PRIM1: variants seen among roughly 807,000 people sequenced by gnomAD.
PRIM1 encodes the protein DNA primase small subunit.
Under a neutral mutation model 60.2 loss-of-function variants are expected in PRIM1, and 38 were observed. The ratio of observed to expected loss-of-function variants is 0.63; its 90% CI spans 0.49 to 0.83. The LOEUF is 0.83. Among genes scored for constraint, PRIM1 ranks in the 40% least tolerant of loss-of-function variants. PRIM1 has a pLI of 0.00. For synonymous variants in PRIM1, 158 were observed against 160.2 expected (o/e 0.99, Z 0.10); for missense variants, 388 against 506.2 (o/e 0.77, Z 2.24).
In PRIM1 at chr12:56,736,298, TAAAAA is replaced by T. The variant is rs756452647; in HGVS notation, c.1145-2058_1145-2054del. Among the ~76,000 whole-genome samples, 5 of 24,320 alleles carry T rather than the reference TAAAAA, an allele frequency of 2.1e-4. No individual in the cohort carries two copies. In the South Asian group the frequency reaches 0.015, roughly 72 times the overall value. 16.0% of individuals were successfully genotyped at this position (24,320 alleles called of 152,430 possible). On this transcript the variant is annotated intron_variant, in intron 11 of 12. Coordinates refer to ENST00000338193, the MANE Select transcript of PRIM1 (RefSeq NM_000946.3). The stretch of plus-strand genomic sequence containing the variant: ...GGGTGACAGAGTAAGACTCTTTCTC[TAAAAA>T]AAAAAAAAAAAAAAAAAAAAAAAAG...
intron 1 of PRIM1, 53 bp downstream of exon 1, chr12:56,752,143 C>T (rs777246362): frequency 3.0e-6 from 4 of 1,331,956 alleles, no homozygotes; most frequent in Admixed American, 2.0e-5. Flanking sequence ...AAGGACACCC[C>T]GCCTCCAACC....
intron 6 of PRIM1, 94 bp from the exon 7 acceptor site, chr12:56,743,190 A>C: frequency 7.5e-7 from 1 of 1,340,910 alleles, no homozygotes; most frequent in South Asian, 1.7e-5. Context: ...ACTACTGCTT[A>C]TTTTCATGAC....
In PRIM1 at chr12:56,741,853, G is replaced by A. The variant is rs914485057; in HGVS notation, c.749-16C>T. 2.1e-5 allele frequency: 34 copies of A among 1,606,664 alleles called. No individual in the cohort carries two copies. Among genetic ancestry groups the A allele is most frequent in the Non-Finnish European group, 2.7e-5 (32 of 1,173,548 alleles). On this transcript the variant is annotated splice_polypyrimidine_tract_variant and intron_variant, in intron 7 of 12. Coordinates refer to ENST00000338193, the MANE Select transcript of PRIM1 (RefSeq NM_000946.3). ...TCATGAATTGGTGATGGGTCATTAAGGAACAGACTCATTTAGGGAACATCA... is the reference window on the plus strand; with the variant it reads ...TCATGAATTGGTGATGGGTCATTAAAGAACAGACTCATTTAGGGAACATCA...
chr12:56,738,473 CCT>C lies in PRIM1; in HGVS notation c.1103_1104del (p.Glu368GlyfsTer3), dbSNP rs1219164714. The C allele has an allele frequency of 1.9e-6, 3 of 1,587,214 alleles. No homozygotes were observed. The highest frequency in any genetic ancestry group is 2.6e-6 in the Non-Finnish European group (3 of 1,165,268). ...TTGACATCAGATTCAGCTTCATTCT[CCT>C]CTTTTTCCTCTTCATTAGTGGAAAT... is the stretch of plus-strand genomic sequence containing the variant. ...DAISTNEEEK[E>X]ENEAESDVKH... On this transcript the variant is annotated frameshift_variant, in exon 11 of 13. Coordinates refer to ENST00000338193, the MANE Select transcript of PRIM1 (RefSeq NM_000946.3). LOFTEE classifies it high-confidence loss of function.
In PRIM1 at chr12:56,752,229, A is replaced by C; in HGVS notation, c.70T>G (p.Ser24Ala). 6.2e-7 allele frequency: 1 copy of C among 1,603,406 alleles called. No homozygotes were observed. Among genetic ancestry groups the C allele is most frequent in the Non-Finnish European group, 8.5e-7 (1 of 1,174,850 alleles). Residue 24 changes from serine to alanine, a missense_variant, in exon 1 of 13, where the codon TCT (serine) becomes GCT (alanine). Ser to Ala is a moderately conservative substitution (Grantham distance 99). Coordinates refer to ENST00000338193, the MANE Select transcript of PRIM1 (RefSeq NM_000946.3). ...TAGTTGAGCCAGCGATAGTACTGAG[A>C]GTAGGGAAAGAGCCTCCGGTAATAA... is the stretch of plus-strand genomic sequence containing the variant. Reference protein sequence around the residue: ...KLYYRRLFPYSQYYRWLNYGG... With the variant: ...KLYYRRLFPYAQYYRWLNYGG...
chr12:56,747,731 C>T (rs995487613), intron 2 of PRIM1, among the ~76,000 whole-genome samples: 8 of 151,908 alleles, frequency 5.3e-5, no homozygotes, highest in East Asian at 1.9e-4. Flanking sequence ...GGTGACAGAG[C>T]GAGACTCTGT....
In PRIM1 at chr12:56,751,065, A is replaced by T; in HGVS notation, c.234T>A (p.Ile78=). Residue 78 remains isoleucine (I), a synonymous_variant, in exon 2 of 13, where the codon ATT becomes ATA. Transcript: ENST00000338193. ...TGTGAGAATATACTGCGCCTATATC[A>T]ATCTTGTATGGATTCATTTTCTGCA... The part of the protein sequence containing the change: ...KEMQKMNPYK[I]DIGAVYSHRP... 6.3e-7 allele frequency: 1 copy of T among 1,583,478 alleles called. No individual in the cohort carries two copies. Among genetic ancestry groups the T allele is most frequent in the Non-Finnish European group, 8.6e-7 (1 of 1,165,814 alleles).
chr12:56,745,732 A>G lies in PRIM1; in HGVS notation c.579+313T>C, dbSNP rs1169577325. Among the ~76,000 whole-genome samples, 5 of 152,030 alleles carry G rather than the reference A, an allele frequency of 3.3e-5. No homozygotes were observed. The South Asian group carries it at 1.0e-3, about 32-fold the overall frequency. ...GGTGGGTGAATCACCTGAGGCTAGGAGTTCTAGGCCAGCCTGGCCAACATG... is the reference window on the plus strand; with the variant it reads ...GGTGGGTGAATCACCTGAGGCTAGGGGTTCTAGGCCAGCCTGGCCAACATG... On this transcript the variant is annotated intron_variant, in intron 5 of 12. Transcript: ENST00000338193.
chr12:56,739,249 TAAC>T (rs753796363), intron 10 of PRIM1, 42 bp downstream of exon 10: 3 of 1,366,258 alleles, frequency 2.2e-6, no homozygotes, highest in East Asian at 2.5e-5. Context: ...TTAAAATTCA[TAAC>T]AACAATTACA....
chr12:56,736,796 G>A (rs1414893830), intron 11 of PRIM1, among the ~76,000 whole-genome samples: 7 of 151,784 alleles, frequency 4.6e-5, no homozygotes, highest in South Asian at 2.1e-4. Context: ...GAGCTACTGC[G>A]CCCGGCCACA....
At chr12:56,745,031 C>T (rs1953896921) in intron 5 of PRIM1, among the ~76,000 whole-genome samples, 1 of 150,904 alleles carries the variant, frequency 6.6e-6, no homozygotes, top group Non-Finnish European at 1.5e-5. Flanking sequence ...TGCTTGAACC[C>T]GGGACGCGGA....
chr12:56,738,863 G>A (rs1308893739), intron 10 of PRIM1, among the ~76,000 whole-genome samples: 1 of 152,178 alleles, frequency 6.6e-6, no homozygotes, highest in Non-Finnish European at 1.5e-5. Flanking sequence ...AACAAGAGAA[G>A]TTTAATGTTG....
rs542822242 is a variant in PRIM1, at chr12:56,735,611, C to T, written c.1145-1366G>A. On this transcript the variant is annotated intron_variant, in intron 11 of 12. Transcript: ENST00000338193. ...TCTTGTGTTGCTCAGGCTCTGGTCA[C>T]GCCCTTTTGGAGATTATTAGAAGTT... Among the ~76,000 whole-genome samples the T allele has an allele frequency of 3.3e-5, 5 of 151,662 alleles. No individual in the cohort carries two copies. The South Asian group carries it at 6.3e-4, about 19-fold the overall frequency.
At chr12:56,742,658 T>A (rs557414761) in intron 7 of PRIM1, among the ~76,000 whole-genome samples, 21 of 152,142 alleles carry the variant, frequency 1.4e-4, no homozygotes, top group Non-Finnish European at 2.8e-4. Flanking sequence ...AATACAGTGA[T>A]GATATAACAG....
At chr12:56,734,015 A>G in intron 12 of PRIM1, 132 bp downstream of exon 12, 1 of 600,856 alleles carries the variant, frequency 1.7e-6, no homozygotes, top group South Asian at 2.4e-5. Context: ...CTCAATTTCC[A>G]AAACATTAAG....
chr12:56,751,973 T>G (rs1328055575), intron 1 of PRIM1, among the ~76,000 whole-genome samples: 2 of 148,174 alleles, frequency 1.3e-5, no homozygotes, highest in East Asian at 3.9e-4. Context: ...TCTGTTTTTT[T>G]TTTTTTTTTT....
intron 9 of PRIM1, among the ~76,000 whole-genome samples, chr12:56,740,606 C>T (rs1469755733): frequency 1.3e-5 from 2 of 151,980 alleles, no homozygotes; most frequent in Non-Finnish European, 1.5e-5. Context: ...ATGGCAAAAC[C>T]CTGTCTACAA....
chr12:56,734,164 TCTC>T lies in PRIM1; in HGVS notation c.1223_1225del (p.Gly408del). 6.2e-7 allele frequency: 1 copy of T among 1,602,686 alleles called. No homozygotes were observed. Among genetic ancestry groups the T allele is most frequent in the African/African-American group, 1.3e-5 (1 of 74,742 alleles). On this transcript the variant is annotated inframe_deletion, in exon 12 of 13. Coordinates refer to ENST00000338193, the MANE Select transcript of PRIM1 (RefSeq NM_000946.3). ...CGTCTTACCACTCTTCTTAAGAAGTTCTCCTTTTCGGGATTTATCCAGATTTTC... is the reference window on the plus strand; with the variant it reads ...CGTCTTACCACTCTTCTTAAGAAGTTCTTTTCGGGATTTATCCAGATTTTC...
intron 1 of PRIM1, among the ~76,000 whole-genome samples, chr12:56,751,983 T>G (rs1418452152): frequency 6.7e-6 from 1 of 149,880 alleles, no homozygotes; most frequent in Non-Finnish European, 1.5e-5. Flanking sequence ...TTTTTTTTTT[T>G]TTTTTTTTTA....
Sources: allele counts gnomAD v4.1 joint callset (sites outside exome capture counted in the v4.1 genomes callset), GRCh38; gene constraint gnomAD v4.1.1; transcripts MANE v1.5; gene names NCBI Gene and HGNC (gene_info 2026-07-23, HGNC 2026-07-21).